Variants in GK5 observed in about 807,000 individuals in gnomAD.
The protein encoded by GK5 is ATP:glycerol 3-phosphotransferase 5.
A neutral mutation model predicts 77.3 loss-of-function variants in GK5; 39 were observed. The observed-to-expected ratio is 0.50, with a 90% CI of 0.39 to 0.66. GK5 has a LOEUF of 0.66. Ranked by LOEUF, GK5 falls within the 30% of genes least tolerant of loss-of-function variation. The pLI, the probability that GK5 is intolerant of heterozygous loss-of-function variation, is 0.00. For missense variants in GK5, 487 were observed against 633.8 expected (o/e 0.77, Z 2.49); for synonymous variants, 211 against 208.0 (o/e 1.01, Z -0.13).
rs1262111518 is a variant in GK5 at position 142,160,861 on chromosome 3, G to A, written c.*4761C>T. The A allele has an allele frequency of 6.6e-6, 1 of 151,980 alleles. No individual in the cohort carries two copies. The highest frequency in any genetic ancestry group is 1.9e-4 in the East Asian group (1 of 5,160). 9.4% of individuals were successfully genotyped at this position (151,980 alleles called of 1,614,324 possible). On this transcript the variant is annotated 3_prime_UTR_variant, in exon 16 of 16. Transcript: ENST00000392993. ...GGTTTCCTGAGTAGCTGGGACTACA[G>A]GGGCATACCACCACACCTGGCTAAT...
chr3:142,184,397 T>C lies in GK5; in HGVS notation c.817-1348A>G, dbSNP rs531006937. ...TAACCAACCCTCACAAATTTATTTA[T>C]TTTATTAAACAATATAAAACATAGG... On this transcript the variant is annotated intron_variant, in intron 9 of 15. Transcript: ENST00000392993. 1.8e-3 allele frequency among the ~76,000 whole-genome samples: 271 copies of C among 152,118 alleles called. 2 individuals carry two copies. Among genetic ancestry groups the C allele is most frequent in the African/African-American group, 6.3e-3 (262 of 41,528 alleles).
intron 8 of GK5, 99 bp from the exon 9 acceptor site, chr3:142,186,088 A>T (rs1577120614): frequency 8.6e-7 from 1 of 1,161,026 alleles, no homozygotes; most frequent in African/African-American, 1.5e-5. Context: ...AAGTTACATA[A>T]TGAACATACA....
At chr3:142,186,084 C>T (rs1560218301) in intron 8 of GK5, 95 bp from the exon 9 acceptor site, 2 of 1,162,330 alleles carry the variant, frequency 1.7e-6, no homozygotes, top group Non-Finnish European at 2.6e-6. Context: ...CAAAAAGTTA[C>T]ATAATGAACA....
At chr3:142,206,590 A>G (rs7638584) in intron 3 of GK5, among the ~76,000 whole-genome samples, 107,768 of 152,156 alleles carry the variant, frequency 0.71, 38,758 homozygotes, top group African/African-American at 0.82. Context: ...TATGAACTGC[A>G]TTGTTGCTTT....
chr3:142,210,965 T>C (rs1330835610), intron 3 of GK5, among the ~76,000 whole-genome samples: 1 of 152,274 alleles, frequency 6.6e-6, no homozygotes, highest in Non-Finnish European at 1.5e-5. Context: ...AGATTAGCGT[T>C]GGTCCTGCTT....
At chr3:142,167,190 A>G (rs952090493) in intron 15 of GK5, among the ~76,000 whole-genome samples, 2 of 152,084 alleles carry the variant, frequency 1.3e-5, no homozygotes, top group Admixed American at 6.5e-5. Context: ...CTTGGGCAAT[A>G]TGGTGAAACC....
Position 142,179,860 on chromosome 3 carries a change from C to T in GK5, c.1048+1601G>A, listed in dbSNP as rs558636827. On this transcript the variant is annotated intron_variant, in intron 11 of 15. Transcript: ENST00000392993. ...AATAAATGGAAAAGCCGTCTGGGGA[C>T]TCCCTGTTTTTATATTTTCTCTGAT... Among the ~76,000 whole-genome samples the T allele has an allele frequency of 5.3e-5, 8 of 152,262 alleles. 1 individual carries two copies. In the South Asian group the frequency reaches 1.7e-3, roughly 32 times the overall value.
Position 142,187,619 on chromosome 3 carries a change from A to C in GK5, c.619+85T>G. 2.4e-5 allele frequency: 25 copies of C among 1,030,654 alleles called. No homozygotes were observed. The South Asian group carries it at 3.5e-4, about 15-fold the overall frequency. The allele number at this position is 1,030,654 out of a possible 1,614,324, so 63.8% of individuals were successfully genotyped here. A position where few individuals can be genotyped will look rare whatever the true frequency, so the allele number is the denominator to read the frequency against. On this transcript the variant is annotated intron_variant, in intron 6 of 15. Coordinates refer to ENST00000392993, the MANE Select transcript of GK5 (RefSeq NM_001039547.3). Reference sequence around the variant, plus strand: ...GACCCTAGCTCAAAAAAAAAAAAAAAAAGTAACTTCTACTTTTTTTAGGCA... The same window carrying C: ...GACCCTAGCTCAAAAAAAAAAAAAACAAGTAACTTCTACTTTTTTTAGGCA...
chr3:142,199,192 T>A (rs188408820), intron 4 of GK5, among the ~76,000 whole-genome samples: 2,179 of 151,152 alleles, frequency 0.014, 36 homozygotes, highest in African/African-American at 0.046. Context: ...TAAACTTTTT[T>A]AAAAAAAAAC....
intron 1 of GK5, among the ~76,000 whole-genome samples, chr3:142,217,277 T>C (rs2064286478): frequency 6.6e-6 from 1 of 151,926 alleles, no homozygotes; most frequent in Non-Finnish European, 1.5e-5. Context: ...TATCAGGACA[T>C]CATGAAGAAT....
At chr3:142,180,079 T>C (rs2063672302) in intron 11 of GK5, among the ~76,000 whole-genome samples, 1 of 152,176 alleles carries the variant, frequency 6.6e-6, no homozygotes, top group African/African-American at 2.4e-5. Context: ...CAGGCAATCC[T>C]ATGGTAGCGG....
Position 142,163,172 on chromosome 3 carries a change from T to C in GK5, c.*2450A>G, listed in dbSNP as rs537241115. 6.6e-6 allele frequency: 1 copy of C among 152,100 alleles called. No individual in the cohort carries two copies. Among genetic ancestry groups the C allele is most frequent in the Admixed American group, 6.5e-5 (1 of 15,268 alleles). 9.4% of individuals were successfully genotyped at this position (152,100 alleles called of 1,614,324 possible). On this transcript the variant is annotated 3_prime_UTR_variant, in exon 16 of 16. Coordinates refer to ENST00000392993, the MANE Select transcript of GK5 (RefSeq NM_001039547.3). Reference sequence around the variant, plus strand: ...ATATTAAAAATAAAATATTAGTTTTTAGATTCACAGAAGAAAAAAATAGCC... The same window carrying C: ...ATATTAAAAATAAAATATTAGTTTTCAGATTCACAGAAGAAAAAAATAGCC...
chr3:142,179,335 A>G (rs2063663584), intron 11 of GK5, among the ~76,000 whole-genome samples: 1 of 152,172 alleles, frequency 6.6e-6, no homozygotes, highest in Non-Finnish European at 1.5e-5. Flanking sequence ...ATTTGTTCAA[A>G]ATGTCCAGAT....
chr3:142,192,763 CA>C (rs201417747), intron 5 of GK5, among the ~76,000 whole-genome samples: 1,602 of 82,816 alleles, frequency 0.019, 25 homozygotes, highest in African/African-American at 0.054. Flanking sequence ...GACTCTGTCT[CA>C]AAAAAAAAAA....
Position 142,157,718 on chromosome 3 carries a change from A to T in GK5, c.*7904T>A, listed in dbSNP as rs1277130595. ...CTTTCTAAATATTTTAAAATACAGT[A>T]TATTTTCACAACAAATTTTATTTTC... On this transcript the variant is annotated 3_prime_UTR_variant, in exon 16 of 16. Transcript: ENST00000392993. The T allele has an allele frequency of 3.3e-5, 5 of 152,160 alleles. No homozygotes were observed. The highest frequency in any genetic ancestry group is 1.2e-4 in the African/African-American group (5 of 41,442). 9.4% of individuals were successfully genotyped at this position (152,160 alleles called of 1,614,324 possible). A position where few individuals can be genotyped will look rare whatever the true frequency, so the allele number is the denominator to read the frequency against.
rs574796311 is a variant in GK5, at chr3:142,210,883, G to A, written c.317+2643C>T. Among the ~76,000 whole-genome samples the A allele has an allele frequency of 2.6e-5, 4 of 152,378 alleles. No homozygotes were observed. The East Asian group carries it at 7.7e-4, about 29-fold the overall frequency. On this transcript the variant is annotated intron_variant, in intron 3 of 15. Coordinates refer to ENST00000392993, the MANE Select transcript of GK5 (RefSeq NM_001039547.3). ...AGCAATCACTGGGGCCAATGGCCAA[G>A]TGAATATGACACATCCAATCAGTTC... is the stretch of plus-strand genomic sequence containing the variant.
chr3:142,206,409 T>C (rs2064107864), intron 3 of GK5, among the ~76,000 whole-genome samples: 1 of 152,234 alleles, frequency 6.6e-6, no homozygotes, highest in Non-Finnish European at 1.5e-5. Context: ...TTTTTCCAAA[T>C]CCTCACCAAC....
At chr3:142,184,519 T>A (rs1039827250) in intron 9 of GK5, among the ~76,000 whole-genome samples, 2 of 152,132 alleles carry the variant, frequency 1.3e-5, no homozygotes, top group Admixed American at 1.3e-4. Context: ...GTTAATATAG[T>A]CAAATGTAGA....
At chr3:142,197,533 A>G (rs975261242) in intron 5 of GK5, among the ~76,000 whole-genome samples, 9 of 152,218 alleles carry the variant, frequency 5.9e-5, no homozygotes, top group Non-Finnish European at 5.9e-5. Flanking sequence ...CCTTATAGAC[A>G]ACATATAGTT....
Sources: allele counts gnomAD v4.1 joint callset (sites outside exome capture counted in the v4.1 genomes callset), GRCh38; gene constraint gnomAD v4.1.1; transcripts MANE v1.5; gene names NCBI Gene and HGNC (gene_info 2026-07-23, HGNC 2026-07-21).